GOLM1: variants seen among roughly 807,000 people sequenced by gnomAD.
The protein encoded by GOLM1 is epididymis luminal protein 46.
In GOLM1, 31 loss-of-function variants were observed where a neutral mutation model predicts 50.5. The ratio of observed to expected loss-of-function variants is 0.61; its 90% CI spans 0.46 to 0.83. The LOEUF is 0.83. GOLM1 is among the 40% of genes least tolerant of loss of function. GOLM1 has a pLI of 0.00. For missense variants in GOLM1, 491 were observed against 501.3 expected (o/e 0.98, Z 0.20); for synonymous variants, 178 against 192.8 (o/e 0.92, Z 0.64).
intron 3 of GOLM1, among the ~76,000 whole-genome samples, chr9:86,055,794 G>C (rs144094058): frequency 1.7e-3 from 257 of 152,268 alleles, no homozygotes; most frequent in Non-Finnish European, 2.6e-3. Context: ...AGGAGAGGGG[G>C]GAGGGAAATT....
Position 86,027,862 on chromosome 9 carries a change from G to A in GOLM1, c.1161C>T (p.Thr387=). The A allele has an allele frequency of 6.2e-7, 1 of 1,609,202 alleles. No individual in the cohort carries two copies. The highest frequency in any genetic ancestry group is 1.3e-5 in the African/African-American group (1 of 74,854). Residue 387 remains threonine, a synonymous_variant, in exon 10 of 10, where the codon ACC becomes ACT. Coordinates refer to ENST00000388712, the MANE Select transcript of GOLM1 (RefSeq NM_016548.4). The part of the protein sequence containing the change: ...VFNVEDQKRD[T]INLLDQREKR... ...TTTCACGCTGATCAAGTAAATTTAT[G>A]GTGTCTCTTTTCTGATCTTCAACAT...
At chr9:86,038,647 C>T (rs970339537) in intron 6 of GOLM1, among the ~76,000 whole-genome samples, 8 of 135,958 alleles carry the variant, frequency 5.9e-5, no homozygotes, top group African/African-American at 3.1e-4. Context: ...TTACAGCACA[C>T]TGATTTCTGA....
At chr9:86,089,261 T>A (rs1393578710) in intron 1 of GOLM1, among the ~76,000 whole-genome samples, 6 of 152,162 alleles carry the variant, frequency 3.9e-5, no homozygotes, top group Non-Finnish European at 7.3e-5. Context: ...TCGAGGAGTA[T>A]CTGTGGTGTT....
chr9:86,034,171 GC>G, intron 8 of GOLM1, among the ~76,000 whole-genome samples: 1 of 152,208 alleles, frequency 6.6e-6, no homozygotes, highest in Admixed American at 6.6e-5. Context: ...CACCATATTG[GC>G]CAGGATGGTC....
intron 9 of GOLM1, among the ~76,000 whole-genome samples, chr9:86,029,431 C>T (rs1832900612): frequency 6.6e-6 from 1 of 152,176 alleles, no homozygotes; most frequent in Non-Finnish European, 1.5e-5. Flanking sequence ...CTCCAAAGCT[C>T]TCCCTTTACA....
intron 5 of GOLM1, among the ~76,000 whole-genome samples, chr9:86,042,703 A>C (rs760641986): frequency 6.6e-6 from 1 of 152,196 alleles, no homozygotes; most frequent in African/African-American, 2.4e-5. Context: ...GTCGTTTGCT[A>C]TCCCTGAACC....
intron 3 of GOLM1, among the ~76,000 whole-genome samples, chr9:86,075,478 A>G (rs1395290019): frequency 6.6e-6 from 1 of 152,166 alleles, no homozygotes; most frequent in Non-Finnish European, 1.5e-5. Flanking sequence ...TTCAATCCTC[A>G]CAGGCACCCT....
intron 3 of GOLM1, 71 bp downstream of exon 3, chr9:86,077,338 CCCG>C (rs1028188772): frequency 8.1e-7 from 1 of 1,233,408 alleles, no homozygotes; most frequent in Non-Finnish European, 1.2e-6. Context: ...TGCTCATCCT[CCCG>C]CCAAGAAGAA....
At chr9:86,063,892 T>A (rs1834232023) in intron 3 of GOLM1, among the ~76,000 whole-genome samples, 1 of 152,222 alleles carries the variant, frequency 6.6e-6, no homozygotes, top group Non-Finnish European at 1.5e-5. Flanking sequence ...TCAATGCACA[T>A]GAAATCCATG....
intron 1 of GOLM1, among the ~76,000 whole-genome samples, chr9:86,090,780 G>A (rs1360917742): frequency 7.5e-6 from 1 of 132,900 alleles, no homozygotes; most frequent in East Asian, 2.8e-4. Flanking sequence ...AGTGCCACTG[G>A]GGTACCAAAA....
intron 3 of GOLM1, among the ~76,000 whole-genome samples, chr9:86,056,415 GCTT>G (rs972446405): frequency 6.6e-6 from 1 of 151,056 alleles, no homozygotes; most frequent in African/African-American, 2.4e-5. Flanking sequence ...CTACGAAAAT[GCTT>G]CTTAGCTTCT....
intron 1 of GOLM1, among the ~76,000 whole-genome samples, chr9:86,094,993 G>C (rs1166930273): frequency 1.3e-5 from 2 of 150,560 alleles, no homozygotes; most frequent in Non-Finnish European, 2.9e-5. Flanking sequence ...TGACGCAGGA[G>C]AATCACTAGA....
chr9:86,037,487 C>G (rs189326858), intron 6 of GOLM1, among the ~76,000 whole-genome samples: 9 of 148,188 alleles, frequency 6.1e-5, no homozygotes, highest in Non-Finnish European at 1.0e-4. Context: ...AACAAAAACA[C>G]AGCATACCAA....
chr9:86,061,812 G>C (rs796535210), intron 3 of GOLM1, among the ~76,000 whole-genome samples: 1 of 152,312 alleles, frequency 6.6e-6, no homozygotes, highest in South Asian at 2.1e-4. Flanking sequence ...AATACCAACA[G>C]GAGGAGAGGA....
chr9:86,085,656 G>A (rs1210083196), intron 1 of GOLM1, among the ~76,000 whole-genome samples: 2 of 151,576 alleles, frequency 1.3e-5, no homozygotes, highest in African/African-American at 4.9e-5. Flanking sequence ...CACAGGCCCT[G>A]GTGTGTGATG....
chr9:86,027,908 C>G lies in GOLM1; in HGVS notation c.1130-15G>C. 6.9e-7 allele frequency: 1 copy of G among 1,445,710 alleles called. No homozygotes were observed. The allele number at this position is 1,445,710 out of a possible 1,614,324, so 89.6% of individuals were successfully genotyped here. On this transcript the variant is annotated splice_polypyrimidine_tract_variant and intron_variant, in intron 9 of 9. Transcript: ENST00000388712. ...AACATTAAAAACTAAAAAGGAAAAACACATAATATTCTATAGAGTATTAAA... is the reference window on the plus strand; with the variant it reads ...AACATTAAAAACTAAAAAGGAAAAAGACATAATATTCTATAGAGTATTAAA...
rs374599380 is a variant in GOLM1 at position 86,032,542 on chromosome 9, A to G, written c.1129+740T>C. ...AACAAACAAGTGTGTTGGAGGAGGG[A>G]GAGGAGTTCCTTAAAAAATGTCAGG... On this transcript the variant is annotated intron_variant, in intron 9 of 9. Coordinates refer to ENST00000388712, the MANE Select transcript of GOLM1 (RefSeq NM_016548.4). 4.6e-5 allele frequency among the ~76,000 whole-genome samples: 7 copies of G among 152,268 alleles called. No homozygotes were observed. In the East Asian group the frequency reaches 1.3e-3, roughly 29 times the overall value.
chr9:86,076,620 C>T (rs932265976), intron 3 of GOLM1, among the ~76,000 whole-genome samples: 1 of 151,434 alleles, frequency 6.6e-6, no homozygotes, highest in Non-Finnish European at 1.5e-5. Flanking sequence ...AATCCTAGCA[C>T]TCTGGGAGGC....
In GOLM1 at chr9:86,044,073, G is replaced by A. The variant is rs143875013; in HGVS notation, c.467+2397C>T. Among the ~76,000 whole-genome samples, 1,377 of 152,272 alleles carry A rather than the reference G, an allele frequency of 9.0e-3. 8 individuals are homozygous for A. Among genetic ancestry groups the A allele is most frequent in the Middle Eastern group, 0.017 (5 of 294 alleles). On this transcript the variant is annotated intron_variant, in intron 5 of 9. Transcript: ENST00000388712. Reference sequence around the variant, plus strand: ...GTATATGTTTTAGGCCAGATAAAACGTGACTGTGGGAAGCTGTCTTGTGGA... The same window carrying A: ...GTATATGTTTTAGGCCAGATAAAACATGACTGTGGGAAGCTGTCTTGTGGA...
Sources: allele counts gnomAD v4.1 joint callset (sites outside exome capture counted in the v4.1 genomes callset), GRCh38; gene constraint gnomAD v4.1.1; transcripts MANE v1.5; gene names NCBI Gene and HGNC (gene_info 2026-07-23, HGNC 2026-07-21).